The following HECW1 variants were observed in gnomAD, a reference collection of about 807,000 sequenced individuals.
HECW1 encodes the protein E3 ubiquitin-protein ligase HECW1.
Under a neutral mutation model 182.3 loss-of-function variants are expected in HECW1, and 61 were observed. That is an observed-to-expected ratio of 0.33 (90% CI 0.27 to 0.41). The LOEUF (loss-of-function observed/expected upper bound fraction) is 0.41. Among genes scored for constraint, HECW1 ranks in the 10% least tolerant of loss-of-function variants. HECW1 has a pLI of 1.00. For missense variants in HECW1, 1,739 were observed against 2,108.9 expected (o/e 0.82, Z 3.44); for synonymous variants, 859 against 832.6 (o/e 1.03, Z -0.55).
At chr7:43,465,435 G>A (rs983592692) in intron 14 of HECW1, among the ~76,000 whole-genome samples, 19 of 152,210 alleles carry the variant, frequency 1.2e-4, no homozygotes, top group African/African-American at 4.3e-4. Context: ...TCCTGCTCCT[G>A]TGGCCTGGTG....
Position 43,475,039 on chromosome 7 carries a change from G to C in HECW1, c.3100-4571G>C, listed in dbSNP as rs116443238. Among the ~76,000 whole-genome samples, 1,266 of 152,292 alleles carry C rather than the reference G, an allele frequency of 8.3e-3. 11 individuals carry two copies. The highest frequency in any genetic ancestry group is 0.032 in the East Asian group (164 of 5,190). On this transcript the variant is annotated intron_variant, in intron 16 of 29. Coordinates refer to ENST00000395891, the MANE Select transcript of HECW1 (RefSeq NM_015052.5). ...TGTTTCAATTTGGGAAGGTGAAAAA[G>C]TGCTGGGGAAGGAGAGTGGTGATGG...
At chr7:43,404,156 T>C (rs2075525407) in intron 7 of HECW1, among the ~76,000 whole-genome samples, 1 of 152,236 alleles carries the variant, frequency 6.6e-6, no homozygotes, top group Non-Finnish European at 1.5e-5. Flanking sequence ...CCTTTTAAAT[T>C]ATACCTCTTA....
At chr7:43,130,178 T>G (rs1353329898) in intron 2 of HECW1, among the ~76,000 whole-genome samples, 2 of 152,238 alleles carry the variant, frequency 1.3e-5, no homozygotes, top group Non-Finnish European at 2.9e-5. Flanking sequence ...ATGCATTTTC[T>G]TCTCAGAGAT....
chr7:43,502,180 G>T lies in HECW1; in HGVS notation c.3631+858G>T, dbSNP rs1476531635. ...CTGAATCGATTGCACACCACTTTTG[G>T]TGATACAGCTACTAGGAACCATTGT... On this transcript the variant is annotated intron_variant, in intron 21 of 29. Coordinates refer to ENST00000395891, the MANE Select transcript of HECW1 (RefSeq NM_015052.5). 2.6e-5 allele frequency among the ~76,000 whole-genome samples: 4 copies of T among 152,296 alleles called. No individual in the cohort carries two copies. The East Asian group carries it at 7.7e-4, about 29-fold the overall frequency.
chr7:43,149,540 T>C (rs1789073459), intron 2 of HECW1, among the ~76,000 whole-genome samples: 1 of 152,198 alleles, frequency 6.6e-6, no homozygotes, highest in African/African-American at 2.4e-5. Flanking sequence ...AGAAAAGTGA[T>C]GTTGGTAAAA....
chr7:43,435,003 G>A (rs1261274546), intron 8 of HECW1, among the ~76,000 whole-genome samples: 1 of 152,050 alleles, frequency 6.6e-6, no homozygotes, highest in African/African-American at 2.4e-5. Context: ...AAAATCTGTT[G>A]TAATTTTTTC....
At chr7:43,452,078 T>C (rs2077254612) in intron 12 of HECW1, among the ~76,000 whole-genome samples, 2 of 152,234 alleles carry the variant, frequency 1.3e-5, no homozygotes, top group Non-Finnish European at 2.9e-5. Context: ...AATATTTGTT[T>C]TTCAAGGGCA....
intron 3 of HECW1, among the ~76,000 whole-genome samples, chr7:43,282,645 C>A (rs747123248): frequency 6.6e-6 from 1 of 151,954 alleles, no homozygotes; most frequent in South Asian, 2.1e-4. Context: ...AAATAAAATA[C>A]CAAATTTAAA....
At chr7:43,134,816 C>T (rs1787348247) in intron 2 of HECW1, among the ~76,000 whole-genome samples, 1 of 152,002 alleles carries the variant, frequency 6.6e-6, no homozygotes, top group Admixed American at 6.6e-5. Flanking sequence ...TATTATTCTA[C>T]CTTTGGTGAT....
At chr7:43,403,551 G>C (rs1270559950) in intron 7 of HECW1, among the ~76,000 whole-genome samples, 1 of 152,136 alleles carries the variant, frequency 6.6e-6, no homozygotes, top group Non-Finnish European at 1.5e-5. Context: ...AATAGCGAGA[G>C]GGCAAAGAGC....
At chr7:43,560,250 C>A (rs145636533) in intron 29 of HECW1, among the ~76,000 whole-genome samples, 139 of 152,252 alleles carry the variant, frequency 9.1e-4, no homozygotes, top group African/African-American at 3.1e-3. Flanking sequence ...TACTGAGTTC[C>A]CTTTCACTCA....
At chr7:43,137,938 C>T (rs996447682) in intron 2 of HECW1, among the ~76,000 whole-genome samples, 38 of 144,774 alleles carry the variant, frequency 2.6e-4, no homozygotes, top group Non-Finnish European at 3.2e-4. Flanking sequence ...CTGACCAACA[C>T]TTTTTTTTTT....
intron 29 of HECW1, among the ~76,000 whole-genome samples, chr7:43,560,171 A>G (rs927093016): frequency 4.6e-5 from 7 of 152,286 alleles, no homozygotes; most frequent in Admixed American, 4.6e-4. Context: ...CCATAGCCCA[A>G]TGTATGTTCT....
At chr7:43,422,926 G>T (rs919699775) in intron 8 of HECW1, among the ~76,000 whole-genome samples, 1 of 140,054 alleles carries the variant, frequency 7.1e-6, no homozygotes, top group Non-Finnish European at 1.5e-5. Flanking sequence ...GCAGTGCCTG[G>T]CCGAGAGTCG....
chr7:43,206,430 G>A (rs538781922), intron 2 of HECW1, among the ~76,000 whole-genome samples: 1 of 152,264 alleles, frequency 6.6e-6, no homozygotes, highest in East Asian at 1.9e-4. Flanking sequence ...TGTCTCTTCT[G>A]CTCTCTATTG....
Position 43,492,156 on chromosome 7 carries a change from C to T in HECW1, c.3316C>T (p.His1106Tyr), listed in dbSNP as rs2078956334. ...CTTAGTAGCTGCTATTCGAAGCCAACATCAACATGAGTCATTGCCACTGGG... is the reference window on the plus strand; with the variant it reads ...CTTAGTAGCTGCTATTCGAAGCCAATATCAACATGAGTCATTGCCACTGGG... ...HSLVAAIRSQ[H>Y]QHESLPLAYN... The change falls in exon 18 of 30, where the codon CAT (histidine) becomes TAT (tyrosine). Residue 1106 changes from histidine (H) to tyrosine (Y), a missense_variant. His to Tyr is a moderately conservative substitution (Grantham distance 83). Coordinates refer to ENST00000395891, the MANE Select transcript of HECW1 (RefSeq NM_015052.5). 4 of 1,601,842 alleles carry T rather than the reference C, an allele frequency of 2.5e-6. No homozygotes were observed. Among genetic ancestry groups the T allele is most frequent in the Non-Finnish European group, 1.7e-6 (2 of 1,176,634 alleles).
chr7:43,559,706 C>T (rs2082147610), intron 29 of HECW1, among the ~76,000 whole-genome samples: 2 of 152,202 alleles, frequency 1.3e-5, no homozygotes, highest in Non-Finnish European at 2.9e-5. Context: ...CCCCACACCA[C>T]CGGGCAATGC....
At chr7:43,506,037 T>C (rs1185121398) in intron 21 of HECW1, among the ~76,000 whole-genome samples, 1 of 152,208 alleles carries the variant, frequency 6.6e-6, no homozygotes, top group Non-Finnish European at 1.5e-5. Context: ...AATTAAAAGG[T>C]ATATATAGTA....
At chr7:43,382,144 G>A (rs2074578664) in intron 6 of HECW1, among the ~76,000 whole-genome samples, 2 of 152,154 alleles carry the variant, frequency 1.3e-5, no homozygotes, top group African/African-American at 4.8e-5. Flanking sequence ...AAATTAGCTG[G>A]GCATGGTGGT....
Sources: gnomAD v4.1 joint callset for allele counts (sites outside exome capture counted in the v4.1 genomes callset) on GRCh38, gnomAD v4.1.1 for gene constraint, MANE v1.5 for transcripts, NCBI Gene and HGNC (gene_info 2026-07-23, HGNC 2026-07-21) for gene names.